Variants in FMNL2 observed in about 807,000 individuals in gnomAD.
FMNL2 encodes formin like 2, also known as formin-like protein 2.
A neutral mutation model predicts 130.2 loss-of-function variants in FMNL2; 51 were observed. The ratio of observed to expected loss-of-function variants is 0.39; its 90% CI spans 0.31 to 0.49. FMNL2 has a LOEUF of 0.49. Ranked by LOEUF, FMNL2 falls within the 20% of genes least tolerant of loss-of-function variation. FMNL2 has a pLI of 0.85. For synonymous variants in FMNL2, 465 were observed against 467.1 expected (o/e 1.00, Z 0.06); for missense variants, 977 against 1,316.2 (o/e 0.74, Z 3.99).
At position 152,568,800 on chromosome 2, in the gene FMNL2, A is replaced by G. The variant is rs539989817; in HGVS notation, c.597-6336A>G. On this transcript the variant is annotated intron_variant, in intron 6 of 25. Coordinates refer to ENST00000288670, the MANE Select transcript of FMNL2 (RefSeq NM_052905.4). ...GAGGTAACCACCCCCAGATTCAATT[A>G]TCTCTTACTGGGTCCCTCCCACGAT... Among the ~76,000 whole-genome samples, 4 of 152,274 alleles carry G rather than the reference A, an allele frequency of 2.6e-5. No homozygotes were observed. In the South Asian group the frequency reaches 8.3e-4, roughly 32 times the overall value.
intron 7 of FMNL2, among the ~76,000 whole-genome samples, chr2:152,575,952 C>T (rs964753104): frequency 6.6e-6 from 1 of 152,118 alleles, no homozygotes. Flanking sequence ...CGGTGGAACA[C>T]GTGTGCTGGG....
chr2:152,537,050 T>G (rs995850296), intron 2 of FMNL2, among the ~76,000 whole-genome samples: 10 of 138,758 alleles, frequency 7.2e-5, no homozygotes, highest in African/African-American at 2.1e-4. Flanking sequence ...TCTATTAGAT[T>G]TAAGTGGAGA....
chr2:152,399,784 G>T (rs1355120604), intron 1 of FMNL2, among the ~76,000 whole-genome samples: 1 of 152,206 alleles, frequency 6.6e-6, no homozygotes, highest in Non-Finnish European at 1.5e-5. Flanking sequence ...AGCAGTTAAA[G>T]ATGACCTTAA....
In FMNL2 at chr2:152,628,465, C is replaced by G; in HGVS notation, c.2332C>G (p.Leu778Val). 1 of 1,613,990 alleles carries G rather than the reference C, an allele frequency of 6.2e-7. No individual in the cohort carries two copies. Among genetic ancestry groups the G allele is most frequent in the Non-Finnish European group, 8.5e-7 (1 of 1,179,894 alleles). The change falls in exon 18 of 26, where the codon CTC becomes GTC. Residue 778 changes from leucine to valine, a missense_variant. By Grantham distance (32) the Leu-to-Val change is conservative. Coordinates refer to ENST00000288670, the MANE Select transcript of FMNL2 (RefSeq NM_052905.4). ...FMMQFSKIER[L>V]MQKMTIMAFI... ...GATGCAGTTTAGTAAAATCGAGAGGCTCATGCAGAAGATGACCATCATGGC... is the reference window on the plus strand; with the variant it reads ...GATGCAGTTTAGTAAAATCGAGAGGGTCATGCAGAAGATGACCATCATGGC...
chr2:152,596,894 G>T (rs1212707460), intron 9 of FMNL2, among the ~76,000 whole-genome samples: 1 of 152,190 alleles, frequency 6.6e-6, no homozygotes, highest in Non-Finnish European at 1.5e-5. Flanking sequence ...TTAAAGGTTA[G>T]TCACAAAGTA....
intron 4 of FMNL2, among the ~76,000 whole-genome samples, chr2:152,557,859 T>A (rs1695312029): frequency 6.6e-6 from 1 of 152,154 alleles, no homozygotes; most frequent in Admixed American, 6.5e-5. Flanking sequence ...TAGTAGTAGA[T>A]CTTTTAACTT....
intron 6 of FMNL2, among the ~76,000 whole-genome samples, chr2:152,574,175 C>T (rs1374295119): frequency 1.3e-5 from 2 of 152,130 alleles, no homozygotes; most frequent in African/African-American, 2.4e-5. Flanking sequence ...CGGTGGCTAA[C>T]GCCTGTAACC....
intron 4 of FMNL2, among the ~76,000 whole-genome samples, chr2:152,556,883 T>TC (rs967295467): frequency 4.8e-5 from 7 of 145,190 alleles, no homozygotes; most frequent in African/African-American, 1.8e-4. Context: ...TCTGCCCCCC[T>TC]CCCCCCGCCG....
chr2:152,338,195 A>G (rs886163142), intron 1 of FMNL2, among the ~76,000 whole-genome samples: 1 of 152,200 alleles, frequency 6.6e-6, no homozygotes, highest in African/African-American at 2.4e-5. Flanking sequence ...TTGTGTTGGC[A>G]TTATTGATAC....
chr2:152,465,099 A>T (rs541679304), intron 1 of FMNL2, among the ~76,000 whole-genome samples: 113 of 152,348 alleles, frequency 7.4e-4, no homozygotes, highest in African/African-American at 2.4e-3. Flanking sequence ...AACAAGTGCG[A>T]TCTCATAGCC....
At chr2:152,554,899 A>C (rs995311679) in intron 4 of FMNL2, among the ~76,000 whole-genome samples, 5 of 152,224 alleles carry the variant, frequency 3.3e-5, no homozygotes, top group African/African-American at 9.6e-5. Context: ...CAACTGTGCT[A>C]CTTGAGCAGG....
intron 1 of FMNL2, among the ~76,000 whole-genome samples, chr2:152,417,391 C>CT (rs1167653252): frequency 2.6e-5 from 4 of 152,152 alleles, no homozygotes; most frequent in Non-Finnish European, 5.9e-5. Context: ...CCTTGGCTTT[C>CT]TGTCAGCTGA....
At chr2:152,477,285 C>A (rs35804350) in intron 1 of FMNL2, among the ~76,000 whole-genome samples, 5,050 of 152,248 alleles carry the variant, frequency 0.033, 273 homozygotes, top group African/African-American at 0.11. Context: ...TCATCATTAG[C>A]CTTCACTTTT....
At position 152,357,065 on chromosome 2, in the gene FMNL2, A is replaced by C. The variant is rs879681893; in HGVS notation, c.117+21345A>C. 6.0e-4 allele frequency among the ~76,000 whole-genome samples: 87 copies of C among 144,052 alleles called. 1 individual carries two copies. Among genetic ancestry groups the C allele is most frequent in the Middle Eastern group, 4.0e-3 (1 of 252 alleles). The allele number at this position is 144,052 out of a possible 152,430, so 94.5% of individuals were successfully genotyped here. The stretch of plus-strand genomic sequence containing the variant: ...TAATATATCACGATAAATATTACAT[A>C]AGTTTAATATATCACGATAAATATT... On this transcript the variant is annotated intron_variant, in intron 1 of 25. Coordinates refer to ENST00000288670, the MANE Select transcript of FMNL2 (RefSeq NM_052905.4).
At chr2:152,446,124 T>C (rs1477621003) in intron 1 of FMNL2, among the ~76,000 whole-genome samples, 2 of 152,234 alleles carry the variant, frequency 1.3e-5, no homozygotes, top group Admixed American at 6.5e-5. Flanking sequence ...AATTTTATCT[T>C]TGCCAAGCTC....
At chr2:152,504,483 G>T (rs572927522) in intron 1 of FMNL2, among the ~76,000 whole-genome samples, 1 of 152,082 alleles carries the variant, frequency 6.6e-6, no homozygotes, top group Admixed American at 6.5e-5. Context: ...CTGACTTCGT[G>T]ATCCGCCTGC....
At chr2:152,446,560 A>C (rs908010997) in intron 1 of FMNL2, among the ~76,000 whole-genome samples, 4 of 152,244 alleles carry the variant, frequency 2.6e-5, no homozygotes, top group African/African-American at 9.6e-5. Flanking sequence ...AACTAAATAC[A>C]GCATCTTTGT....
At chr2:152,430,671 G>A (rs1286472833) in intron 1 of FMNL2, among the ~76,000 whole-genome samples, 3 of 152,110 alleles carry the variant, frequency 2.0e-5, no homozygotes, top group Admixed American at 2.0e-4. Context: ...TCAGGAGTTC[G>A]AGACCACTCT....
intron 1 of FMNL2, among the ~76,000 whole-genome samples, chr2:152,346,874 G>A (rs529671834): frequency 3.9e-5 from 6 of 152,050 alleles, no homozygotes; most frequent in African/African-American, 1.4e-4. Context: ...GGCAGATCAC[G>A]AGGTCAGGAG....
Sources: allele counts gnomAD v4.1 joint callset (sites outside exome capture counted in the v4.1 genomes callset), GRCh38; gene constraint gnomAD v4.1.1; transcripts MANE v1.5; gene names NCBI Gene and HGNC (gene_info 2026-07-23, HGNC 2026-07-21).